PLXNC1: variants seen among roughly 807,000 people sequenced by gnomAD.
PLXNC1 encodes plexin-C1.
Under a neutral mutation model 178.2 loss-of-function variants are expected in PLXNC1, and 75 were observed. The observed-to-expected ratio is 0.42, with a 90% confidence interval of 0.35 to 0.51. The LOEUF (loss-of-function observed/expected upper bound fraction) is 0.51, where lower values mean the gene tolerates loss of function less well. Among genes scored for constraint, PLXNC1 ranks in the 20% least tolerant of loss-of-function variants. The probability of loss-of-function intolerance (pLI) is 0.02; values close to 1 mark genes in which losing one functional copy is unlikely to be tolerated. For synonymous variants in PLXNC1, 790 were observed against 779.9 expected (o/e 1.01, Z -0.22); for missense variants, 1,503 against 1,984.4 (o/e 0.76, Z 4.61).
intron 2 of PLXNC1, among the ~76,000 whole-genome samples, chr12:94,170,771 T>C (rs1471331809): frequency 6.6e-6 from 1 of 152,188 alleles, no homozygotes; most frequent in East Asian, 1.9e-4. Context: ...CAGTAACATA[T>C]GGGAGGGAGT....
intron 12 of PLXNC1, among the ~76,000 whole-genome samples, chr12:94,247,126 G>C (rs1212074864): frequency 6.6e-6 from 1 of 152,008 alleles, no homozygotes; most frequent in Non-Finnish European, 1.5e-5. Flanking sequence ...TACCCAGGCT[G>C]ATCTCCAACT....
chr12:94,196,744 G>A (rs149514521), intron 4 of PLXNC1, among the ~76,000 whole-genome samples: 42 of 152,334 alleles, frequency 2.8e-4, no homozygotes, highest in African/African-American at 9.9e-4. Context: ...TGCATGGGTA[G>A]AGAAGAATAT....
intron 4 of PLXNC1, among the ~76,000 whole-genome samples, chr12:94,198,865 C>T (rs1245086113): frequency 1.3e-5 from 2 of 152,162 alleles, no homozygotes; most frequent in South Asian, 2.1e-4. Flanking sequence ...TTCATCTCGA[C>T]GTCCTTAACT....
intron 2 of PLXNC1, among the ~76,000 whole-genome samples, chr12:94,174,951 C>A (rs1302324090): frequency 6.6e-6 from 1 of 152,220 alleles, no homozygotes; most frequent in Non-Finnish European, 1.5e-5. Flanking sequence ...ACCTGTGGTT[C>A]AGACTGTATG....
chr12:94,169,933 G>T lies in PLXNC1; in HGVS notation c.1203+640G>T, dbSNP rs185031796. Among the ~76,000 whole-genome samples the T allele has an allele frequency of 1.6e-4, 24 of 152,312 alleles. No individual in the cohort carries two copies. In the East Asian group the frequency reaches 4.4e-3, roughly 28 times the overall value. ...CACTTAGGAGAGGGGAAGAGGGGAG[G>T]AGGAGAAAATAAAATCAGAGATACC... On this transcript the variant is annotated intron_variant, in intron 2 of 30. Coordinates refer to ENST00000258526, the MANE Select transcript of PLXNC1 (RefSeq NM_005761.3).
At position 94,161,850 on chromosome 12, in the gene PLXNC1, A is replaced by G. The variant is rs201692764; in HGVS notation, c.1063-7303A>G. Among the ~76,000 whole-genome samples, 5 of 152,226 alleles carry G rather than the reference A, an allele frequency of 3.3e-5. No homozygotes were observed. The East Asian group carries it at 5.8e-4, about 18-fold the overall frequency. ...TTTACAAGGGACGAATCTTGGCTCA[A>G]TTAAAGAACTCAGTAATGATTAGGC... On this transcript the variant is annotated intron_variant, in intron 1 of 30. Transcript: ENST00000258526.
rs1960869392 is a variant in PLXNC1 at position 94,149,637 on chromosome 12, C to G, written c.666C>G (p.Arg222=). The G allele has an allele frequency of 1.9e-6, 3 of 1,598,382 alleles. No homozygotes were observed. Among genetic ancestry groups the G allele is most frequent in the Middle Eastern group, 1.7e-4 (1 of 6,040 alleles). The stretch of plus-strand genomic sequence containing the variant: ...GCCTGGCCACGCAGGAGCTGGGGCG[C>G]CTCAAGCTGTGCGAGGGCGCGGGCA... ...GRSLATQELG[R]LKLCEGAGSL... The change falls in exon 1 of 31, where the codon CGC becomes CGG. Residue 222 remains arginine, a synonymous_variant. Transcript: ENST00000258526.
At chr12:94,177,187 GTATATATATATACGTATATATATA>G (rs1195104072) in intron 2 of PLXNC1, among the ~76,000 whole-genome samples, 24,296 of 106,986 alleles carry the variant, frequency 0.23, 2,547 homozygotes, top group East Asian at 0.3. Flanking sequence ...GTATATATAT[GTATATATATATACGTATATATATA>G]TGTGTGTGTA....
intron 3 of PLXNC1, among the ~76,000 whole-genome samples, chr12:94,182,824 CT>C (rs923166262): frequency 2.6e-5 from 4 of 152,114 alleles, no homozygotes; most frequent in Admixed American, 1.3e-4. Context: ...GAATCTAAGA[CT>C]TGGAGAGGTT....
rs1259562194 is a variant in PLXNC1 at position 94,304,880 on chromosome 12, A to G, written c.4603-301A>G. 2.0e-5 allele frequency among the ~76,000 whole-genome samples: 3 copies of G among 152,306 alleles called. No individual in the cohort carries two copies. In the East Asian group the frequency reaches 5.8e-4, roughly 29 times the overall value. ...TTGCCTGCATGTTGGCTGCCCAGGA[A>G]TGCTTGCTGTGCTTGGAATGGCTGT... On this transcript the variant is annotated intron_variant, in intron 30 of 30. Transcript: ENST00000258526.
intron 6 of PLXNC1, among the ~76,000 whole-genome samples, chr12:94,223,655 T>C (rs564599452): frequency 1.9e-3 from 288 of 152,366 alleles, no homozygotes; most frequent in Middle Eastern, 3.4e-3. Context: ...TGTTATTTTG[T>C]TCTTTTGGGG....
At chr12:94,289,574 T>G (rs1967066870) in intron 23 of PLXNC1, among the ~76,000 whole-genome samples, 1 of 152,206 alleles carries the variant, frequency 6.6e-6, no homozygotes, top group African/African-American at 2.4e-5. Flanking sequence ...GGACGATTAA[T>G]GAGTCACTCT....
rs1565818046 is a variant in PLXNC1, at chr12:94,224,213, C to G, written c.1703-15C>G. ...GGACTCCACCGTAAATGACATTTTCCCCCCTTCCCTCCAGATGTTTCAGTT... is the reference window on the plus strand; with the variant it reads ...GGACTCCACCGTAAATGACATTTTCGCCCCTTCCCTCCAGATGTTTCAGTT... On this transcript the variant is annotated splice_polypyrimidine_tract_variant and intron_variant, in intron 6 of 30. Coordinates refer to ENST00000258526, the MANE Select transcript of PLXNC1 (RefSeq NM_005761.3). The G allele has an allele frequency of 6.7e-7, 1 of 1,486,058 alleles. No homozygotes were observed. The highest frequency in any genetic ancestry group is 9.4e-7 in the Non-Finnish European group (1 of 1,063,466). 92.1% of individuals were successfully genotyped at this position (1,486,058 alleles called of 1,614,324 possible).
At chr12:94,236,592 G>A (rs1464403754) in intron 9 of PLXNC1, among the ~76,000 whole-genome samples, 1 of 152,166 alleles carries the variant, frequency 6.6e-6, no homozygotes, top group Admixed American at 6.5e-5. Context: ...AGCATCTCTG[G>A]ACTTTGGGGT....
chr12:94,235,568 C>G (rs1442963617), intron 9 of PLXNC1, among the ~76,000 whole-genome samples: 2 of 152,136 alleles, frequency 1.3e-5, no homozygotes, highest in Non-Finnish European at 2.9e-5. Context: ...CTATCTTGCT[C>G]CCCTAAGAAG....
rs768037835 is a variant in PLXNC1, at chr12:94,248,223, A to G, written c.2593-4A>G. 5 of 1,607,234 alleles carry G rather than the reference A, an allele frequency of 3.1e-6. No homozygotes were observed. In the Admixed American group the frequency reaches 8.5e-5, roughly 27 times the overall value. Reference sequence around the variant, plus strand: ...TTTCTCCATCTTCATTTTGTTCTTTACAGAAAGAAAATGACAACTTCAACA... The same window carrying G: ...TTTCTCCATCTTCATTTTGTTCTTTGCAGAAAGAAAATGACAACTTCAACA... On this transcript the variant is annotated splice_region_variant and splice_polypyrimidine_tract_variant and intron_variant, in intron 13 of 30. Transcript: ENST00000258526.
rs577821973 is a variant in PLXNC1 at position 94,236,676 on chromosome 12, T to A, written c.1981-988T>A. Among the ~76,000 whole-genome samples, 182 of 152,292 alleles carry A rather than the reference T, an allele frequency of 1.2e-3. 1 individual carries two copies. Among genetic ancestry groups the A allele is most frequent in the African/African-American group, 4.2e-3 (176 of 41,550 alleles). ...AGGGGAAAAAAGAGTGTGAGTATGA[T>A]GTTCACTCTTGCTGAAGTTCTGCTG... On this transcript the variant is annotated intron_variant, in intron 9 of 30. Transcript: ENST00000258526.
At chr12:94,263,976 G>T (rs1271836774) in intron 20 of PLXNC1, among the ~76,000 whole-genome samples, 1 of 152,070 alleles carries the variant, frequency 6.6e-6, no homozygotes, top group Non-Finnish European at 1.5e-5. Context: ...AGACCCAGTG[G>T]AATCCTCCTT....
intron 9 of PLXNC1, among the ~76,000 whole-genome samples, chr12:94,231,546 C>T (rs192297250): frequency 5.3e-5 from 8 of 152,226 alleles, no homozygotes; most frequent in Admixed American, 3.9e-4. Flanking sequence ...GAGGTAGGGT[C>T]CTGGTTCAGT....
Sources: gnomAD v4.1 joint callset for allele counts (sites outside exome capture counted in the v4.1 genomes callset) on GRCh38, gnomAD v4.1.1 for gene constraint, MANE v1.5 for transcripts, NCBI Gene and HGNC (gene_info 2026-07-23, HGNC 2026-07-21) for gene names.